FSTL4: variants seen among roughly 807,000 people sequenced by gnomAD.
FSTL4 encodes the protein follistatin like 4.
Under a neutral mutation model 78.2 loss-of-function variants are expected in FSTL4, and 28 were observed. The ratio of observed to expected loss-of-function variants is 0.36; its 90% CI spans 0.27 to 0.49. The LOEUF is 0.49. Among genes scored for constraint, FSTL4 ranks in the 20% least tolerant of loss-of-function variants. FSTL4 has a pLI of 0.98. For synonymous variants in FSTL4, 422 were observed against 440.5 expected, an observed-to-expected ratio of 0.96 and a Z score of 0.53; for missense variants, 922 against 1,084.9, an observed-to-expected ratio of 0.85 and a Z score of 2.11.
chr5:133,825,692 C>T, the FSTL4 span, among the ~76,000 whole-genome samples: 27 of 152,348 alleles, frequency 1.8e-4, no homozygotes, highest in African/African-American at 6.5e-4. Context: ...CCCTGGCGTC[C>T]CATGCTTGAG....
At chr5:133,482,705 G>A (rs1467869488) in intron 3 of FSTL4, among the ~76,000 whole-genome samples, 1 of 152,218 alleles carries the variant, frequency 6.6e-6, no homozygotes, top group East Asian at 1.9e-4. Context: ...TGCAGGTAAG[G>A]AGAAGGTGTT....
At chr5:133,644,666 C>T in the FSTL4 span, among the ~76,000 whole-genome samples, 1 of 152,086 alleles carries the variant, frequency 6.6e-6, no homozygotes, top group African/African-American at 2.4e-5. Flanking sequence ...AAGTGACAGC[C>T]CGATTATTTG....
intron 4 of FSTL4, among the ~76,000 whole-genome samples, chr5:133,377,346 A>G (rs1755459424): frequency 6.7e-6 from 1 of 149,890 alleles, no homozygotes; most frequent in Admixed American, 6.6e-5. Flanking sequence ...TAGAATTACA[A>G]CTAAGGGTGT....
At chr5:133,249,027 G>A (rs530147211) in intron 7 of FSTL4, among the ~76,000 whole-genome samples, 3 of 152,160 alleles carry the variant, frequency 2.0e-5, no homozygotes, top group Non-Finnish European at 4.4e-5. Flanking sequence ...CCAGCCCACT[G>A]TTCTCTCAGC....
intron 4 of FSTL4, among the ~76,000 whole-genome samples, chr5:133,337,080 T>C (rs1442400779): frequency 6.6e-6 from 1 of 152,208 alleles, no homozygotes; most frequent in Non-Finnish European, 1.5e-5. Flanking sequence ...TGTTCGGGGA[T>C]GGCGGGCTGC....
the FSTL4 span, among the ~76,000 whole-genome samples, chr5:133,783,353 A>T: frequency 6.6e-6 from 1 of 152,250 alleles, no homozygotes; most frequent in African/African-American, 2.4e-5. Context: ...TTATGATTGT[A>T]CCCAAGGACA....
At chr5:133,672,666 G>A in the FSTL4 span, among the ~76,000 whole-genome samples, 538 of 152,246 alleles carry the variant, frequency 3.5e-3, 2 homozygotes, top group African/African-American at 0.012. Context: ...TCTGTCCAGG[G>A]TTCAAAGCAT....
the FSTL4 span, among the ~76,000 whole-genome samples, chr5:133,694,395 C>T: frequency 6.6e-6 from 1 of 152,170 alleles, no homozygotes; most frequent in Non-Finnish European, 1.5e-5. Context: ...TCTTTAGTCT[C>T]CTCCTCTCAA....
At chr5:133,576,579 G>A (rs1760285886) in intron 2 of FSTL4, among the ~76,000 whole-genome samples, 1 of 152,192 alleles carries the variant, frequency 6.6e-6, no homozygotes, top group African/African-American at 2.4e-5. Context: ...CGCTGTACAA[G>A]GGGCCCGGCC....
intron 4 of FSTL4, among the ~76,000 whole-genome samples, chr5:133,398,190 C>G (rs774844498): frequency 3.3e-5 from 5 of 152,198 alleles, no homozygotes; most frequent in Admixed American, 6.5e-5. Flanking sequence ...ATCCGTCAGG[C>G]TCCTGTGAAT....
At chr5:133,467,711 G>A (rs1323342329) in intron 3 of FSTL4, among the ~76,000 whole-genome samples, 1 of 152,042 alleles carries the variant, frequency 6.6e-6, no homozygotes, top group Non-Finnish European at 1.5e-5. Context: ...AGGAGTAGAG[G>A]CTTGCACCCC....
At chr5:133,207,526 A>T (rs1479276992) in intron 14 of FSTL4, among the ~76,000 whole-genome samples, 1 of 152,232 alleles carries the variant, frequency 6.6e-6, no homozygotes, top group African/African-American at 2.4e-5. Context: ...TTGATACGAG[A>T]TATTCACTTC....
chr5:133,275,200 G>T (rs1202960440), intron 6 of FSTL4, among the ~76,000 whole-genome samples: 1 of 152,030 alleles, frequency 6.6e-6, no homozygotes, highest in Non-Finnish European at 1.5e-5. Flanking sequence ...TGAAGTGGAG[G>T]TTGCAATGAG....
At chr5:133,287,345 A>G (rs1237124362) in intron 6 of FSTL4, among the ~76,000 whole-genome samples, 1 of 149,788 alleles carries the variant, frequency 6.7e-6, no homozygotes, top group Non-Finnish European at 1.5e-5. Context: ...CTGAGATCGC[A>G]CCACTGCACT....
At chr5:133,372,035 G>T (rs1234703463) in intron 4 of FSTL4, among the ~76,000 whole-genome samples, 1 of 152,212 alleles carries the variant, frequency 6.6e-6, no homozygotes, top group Non-Finnish European at 1.5e-5. Context: ...GACAAGCAGG[G>T]CATTTGAAAT....
intron 3 of FSTL4, among the ~76,000 whole-genome samples, chr5:133,561,490 T>C (rs1759911660): frequency 6.6e-6 from 1 of 152,032 alleles, no homozygotes; most frequent in East Asian, 1.9e-4. Flanking sequence ...GGGGGAAAAG[T>C]TTCACCCTCT....
chr5:133,309,220 C>T (rs1398900541), intron 6 of FSTL4, among the ~76,000 whole-genome samples: 2 of 151,938 alleles, frequency 1.3e-5, no homozygotes, highest in Non-Finnish European at 2.9e-5. Context: ...GGTGGCACTA[C>T]TCCTTGTTGG....
rs567937606 is a variant in FSTL4, at chr5:133,361,538, G to A, written c.409+39200C>T. ...CAGCACATCTTGGCCAAAACGCATA[G>A]GTATCTCTTTCAGAGTCTTCTGCTC... On this transcript the variant is annotated intron_variant, in intron 4 of 15. Coordinates refer to ENST00000265342, the MANE Select transcript of FSTL4 (RefSeq NM_015082.2). The surrounding 1 kb of genome is among the most constrained non-coding windows in gnomAD (Gnocchi z 4.3). Among the ~76,000 whole-genome samples the A allele has an allele frequency of 6.6e-6, 1 of 152,222 alleles. No individual in the cohort carries two copies. Among genetic ancestry groups the A allele is most frequent in the South Asian group, 2.1e-4 (1 of 4,810 alleles).
chr5:133,783,497 A>G, the FSTL4 span, among the ~76,000 whole-genome samples: 1 of 152,212 alleles, frequency 6.6e-6, no homozygotes, highest in Non-Finnish European at 1.5e-5. Flanking sequence ...AGCCTAACAA[A>G]CACACGGCCT....
Sources: gnomAD v4.1 joint callset for allele counts (sites outside exome capture counted in the v4.1 genomes callset) on GRCh38, gnomAD v4.1.1 for gene constraint, Gnocchi (gnomAD v3.1) non-coding constraint, MANE v1.5 for transcripts, NCBI Gene and HGNC (gene_info 2026-07-23, HGNC 2026-07-21) for gene names.